KDM3A: variants seen among roughly 807,000 people sequenced by gnomAD.
The protein encoded by KDM3A is lysine demethylase 3A, also known as lysine-specific demethylase 3A.
KDM3A carries 60 observed loss-of-function variants against 158.0 expected under a neutral mutation model. The observed-to-expected ratio is 0.38, with a 90% CI of 0.31 to 0.47. The LOEUF (loss-of-function observed/expected upper bound fraction) is 0.47. Ranked by LOEUF, KDM3A falls within the 20% of genes least tolerant of loss-of-function variation. KDM3A has a pLI of 0.99. For missense variants in KDM3A, 1,319 were observed against 1,574.3 expected, an observed-to-expected ratio of 0.84 and a Z score of 2.74; for synonymous variants, 608 against 549.3, an observed-to-expected ratio of 1.11 and a Z score of -1.49.
At chr2:86,451,349 A>G (rs1039227390) in intron 4 of KDM3A, 136 bp downstream of exon 4, 1 of 524,350 alleles carries the variant, frequency 1.9e-6, no homozygotes, top group Admixed American at 3.7e-5. Flanking sequence ...ACATCTACAT[A>G]TAACTTTGAT....
chr2:86,488,402 A>G (rs1674292304), intron 21 of KDM3A: 2 of 152,094 alleles, frequency 1.3e-5, no homozygotes, highest in South Asian at 2.1e-4. Context: ...CAACTATCCT[A>G]TGATTTCACC....
chr2:86,442,196 C>G lies in KDM3A; in HGVS notation c.149C>G (p.Ala50Gly), dbSNP rs759043440. The G allele has an allele frequency of 1.2e-6, 2 of 1,612,712 alleles. No homozygotes were observed. The highest frequency in any genetic ancestry group is 1.7e-6 in the Non-Finnish European group (2 of 1,179,288). The change falls in exon 2 of 26, where the codon GCT becomes GGT. Residue 50 changes from alanine (A) to glycine (G), a missense_variant. Physicochemically the swap from Ala to Gly is moderately conservative, Grantham distance 60 (BLOSUM62 0). Around this residue, in one of 4 missense-constraint regions of KDM3A, gnomAD observed 652 missense variants for 627.2 expected, o/e 1.04. Transcript: ENST00000312912. Reference sequence around the variant, plus strand: ...CCCTGGCTCTCCGGGACCATTCGAGCTGTTTCCCACACCGACGTTACCAAG... The same window carrying G: ...CCCTGGCTCTCCGGGACCATTCGAGGTGTTTCCCACACCGACGTTACCAAG... Reference protein sequence around the residue: ...EWPWLSGTIRAVSHTDVTKKD... With the variant: ...EWPWLSGTIRGVSHTDVTKKD...
At chr2:86,468,112 C>G (rs1343646136) in intron 10 of KDM3A, among the ~76,000 whole-genome samples, 1 of 152,192 alleles carries the variant, frequency 6.6e-6, no homozygotes, top group Non-Finnish European at 1.5e-5. Flanking sequence ...ATCTTTTTAA[C>G]TGCAGGCCTC....
At chr2:86,451,799 G>T (rs980123119) in intron 4 of KDM3A, among the ~76,000 whole-genome samples, 4 of 152,182 alleles carry the variant, frequency 2.6e-5, no homozygotes, top group African/African-American at 9.7e-5. Context: ...TCCATTTACG[G>T]TTGAAAGGAC....
rs563661756 is a variant in KDM3A at position 86,485,513 on chromosome 2, C to T, written c.3183-216C>T. Among the ~76,000 whole-genome samples the T allele has an allele frequency of 1.1e-4, 16 of 152,248 alleles. No homozygotes were observed. The East Asian group carries it at 1.5e-3, about 15-fold the overall frequency. On this transcript the variant is annotated intron_variant, in intron 20 of 25. Transcript: ENST00000312912. ...TTATTGCTGAGATCTTTTGTCTGAA[C>T]GGTTACAGCTGATTTTGACACATTG...
intron 2 of KDM3A, among the ~76,000 whole-genome samples, chr2:86,446,214 TAAA>T (rs1682952432): frequency 6.6e-6 from 1 of 152,286 alleles, no homozygotes; most frequent in African/African-American, 2.4e-5. Flanking sequence ...AAATACCCAT[TAAA>T]AGAAGAGCAG....
At chr2:86,484,234 C>T in intron 19 of KDM3A, 76 bp downstream of exon 19, 1 of 1,256,158 alleles carries the variant, frequency 8.0e-7, no homozygotes, top group Non-Finnish European at 1.1e-6. Flanking sequence ...GTCTGAGACC[C>T]ATCAGTGGCA....
At chr2:86,471,147 A>G (rs1019321526) in intron 11 of KDM3A, among the ~76,000 whole-genome samples, 1 of 152,084 alleles carries the variant, frequency 6.6e-6, no homozygotes, top group African/African-American at 2.4e-5. Context: ...TCTCTGTACC[A>G]TTGCCAGCAG....
At chr2:86,486,377 T>C (rs1674181624) in intron 21 of KDM3A, among the ~76,000 whole-genome samples, 1 of 152,208 alleles carries the variant, frequency 6.6e-6, no homozygotes, top group Admixed American at 6.5e-5. Context: ...GGAGGATGCC[T>C]GGGATAAAGA....
chr2:86,470,070 AT>A, intron 10 of KDM3A, 133 bp from the exon 11 acceptor site: 2 of 686,374 alleles, frequency 2.9e-6, no homozygotes, highest in Non-Finnish European at 5.0e-6. Context: ...ATTTTTAGAA[AT>A]TACAATTGAA....
chr2:86,481,195 C>T (rs1673911224), intron 16 of KDM3A, among the ~76,000 whole-genome samples: 1 of 151,784 alleles, frequency 6.6e-6, no homozygotes, highest in Non-Finnish European at 1.5e-5. Context: ...GAGTTTAAAC[C>T]AAAAAACAAG....
intron 2 of KDM3A, among the ~76,000 whole-genome samples, chr2:86,447,859 C>G (rs1436361980): frequency 5.9e-5 from 9 of 152,124 alleles, no homozygotes; most frequent in Admixed American, 3.3e-4. Context: ...CCTCTTATAC[C>G]ACATTGCTGA....
At chr2:86,446,194 C>A (rs1332797248) in intron 2 of KDM3A, among the ~76,000 whole-genome samples, 3 of 152,110 alleles carry the variant, frequency 2.0e-5, no homozygotes, top group African/African-American at 7.2e-5. Flanking sequence ...TAATAAGGTA[C>A]ACATTTGCAA....
chr2:86,441,785 C>G (rs868857341), intron 1 of KDM3A, among the ~76,000 whole-genome samples: 13 of 149,432 alleles, frequency 8.7e-5, no homozygotes, highest in African/African-American at 2.4e-4. Context: ...TGCGTTTGAG[C>G]TGTTAGAAAA....
intron 1 of KDM3A, 98 bp from the exon 2 acceptor site, chr2:86,441,920 G>T (rs1044940336): frequency 5.3e-6 from 5 of 950,762 alleles, no homozygotes; most frequent in African/African-American, 1.7e-5. Flanking sequence ...CCGCGTCCTC[G>T]CGCGGGTTCG....
intron 9 of KDM3A, among the ~76,000 whole-genome samples, chr2:86,464,501 G>A (rs1673054799): frequency 1.3e-5 from 2 of 152,302 alleles, no homozygotes; most frequent in East Asian, 3.9e-4. Context: ...TTAAGGAAAA[G>A]GGAACAGATT....
At chr2:86,455,294 C>CTT (rs767439758) in intron 5 of KDM3A, 107 bp downstream of exon 5, 980 of 535,524 alleles carry the variant, frequency 1.8e-3, no homozygotes, top group South Asian at 2.1e-3. Flanking sequence ...TTTCTTTTTT[C>CTT]TTTTTTTTTT....
Position 86,490,989 on chromosome 2 carries a change from G to A in KDM3A, c.3682G>A (p.Val1228Ile). 6.2e-7 allele frequency: 1 copy of A among 1,614,028 alleles called. No individual in the cohort carries two copies. Among genetic ancestry groups the A allele is most frequent in the Non-Finnish European group, 8.5e-7 (1 of 1,179,910 alleles). The stretch of plus-strand genomic sequence containing the variant: ...AAAACGTCTTCATCAAGAGTATGGA[G>A]TTCAAGGCTGGGCTATTGTACAGTT... ...LRKRLHQEYGVQGWAIVQFLG... is the reference protein window; with the variant it reads ...LRKRLHQEYGIQGWAIVQFLG... The change falls in exon 24 of 26, where the codon GTT becomes ATT. Residue 1228 changes from valine to isoleucine, a missense_variant. Val to Ile is a conservative substitution (Grantham distance 29). Transcript: ENST00000312912.
At chr2:86,473,959 C>T (rs890200867) in intron 11 of KDM3A, among the ~76,000 whole-genome samples, 2 of 152,196 alleles carry the variant, frequency 1.3e-5, no homozygotes, top group Non-Finnish European at 2.9e-5. Context: ...ATATAGGCAC[C>T]AAGTACCTCA....
Sources: allele counts gnomAD v4.1 joint callset (sites outside exome capture counted in the v4.1 genomes callset), GRCh38; gene constraint gnomAD v4.1.1; regional missense constraint gnomAD v4.1.1; transcripts MANE v1.5; gene names NCBI Gene and HGNC (gene_info 2026-07-23, HGNC 2026-07-21).